PLD5: variants seen among roughly 807,000 people sequenced by gnomAD.
PLD5 encodes phospholipase D family member 5.
In PLD5, 36 loss-of-function variants were observed where a neutral mutation model predicts 61.1. The observed-to-expected ratio is 0.59, with a 90% CI of 0.45 to 0.78. PLD5 has a LOEUF of 0.78. Among genes scored for constraint, PLD5 ranks in the 30% least tolerant of loss-of-function variants. PLD5 has a pLI of 0.00. For synonymous variants in PLD5, 243 were observed against 242.8 expected (o/e 1.00, Z -0.01); for missense variants, 515 against 644.4 (o/e 0.80, Z 2.17).
intron 6 of PLD5, among the ~76,000 whole-genome samples, chr1:242,116,641 C>T (rs1174654989): frequency 6.6e-6 from 1 of 151,548 alleles, no homozygotes; most frequent in Non-Finnish European, 1.5e-5. Flanking sequence ...TGTTTACCTC[C>T]CACTTATAAG....
At chr1:242,216,206 C>T (rs1670186064) in intron 5 of PLD5, among the ~76,000 whole-genome samples, 1 of 151,964 alleles carries the variant, frequency 6.6e-6, no homozygotes, top group Non-Finnish European at 1.5e-5. Context: ...GACCGCCTTG[C>T]CCGACAGACC....
intron 5 of PLD5, among the ~76,000 whole-genome samples, chr1:242,182,093 T>C (rs1667556199): frequency 6.6e-6 from 1 of 152,228 alleles, no homozygotes; most frequent in African/African-American, 2.4e-5. Context: ...TGATTAATGA[T>C]GATTCTGATC....
chr1:242,404,376 G>A (rs903287030), intron 1 of PLD5, among the ~76,000 whole-genome samples: 1 of 152,148 alleles, frequency 6.6e-6, no homozygotes, highest in Non-Finnish European at 1.5e-5. Context: ...AGATGAGAAA[G>A]AGCATGGCAC....
At chr1:242,173,488 T>C (rs963549875) in intron 5 of PLD5, among the ~76,000 whole-genome samples, 22 of 152,268 alleles carry the variant, frequency 1.4e-4, no homozygotes, top group Admixed American at 1.2e-3. Flanking sequence ...AGGTAATTTA[T>C]AGATTCAATG....
chr1:242,384,223 A>G (rs1164172172), intron 1 of PLD5, among the ~76,000 whole-genome samples: 2 of 152,218 alleles, frequency 1.3e-5, no homozygotes, highest in Non-Finnish European at 2.9e-5. Context: ...GTTAGAAGAA[A>G]ACGCACCATT....
intron 1 of PLD5, among the ~76,000 whole-genome samples, chr1:242,515,220 G>A (rs1669066563): frequency 6.9e-6 from 1 of 144,710 alleles, no homozygotes. Context: ...GTGTGTGTGT[G>A]AGAGAGAGAG....
At chr1:242,351,023 C>G (rs796681753) in intron 1 of PLD5, among the ~76,000 whole-genome samples, 18 of 151,960 alleles carry the variant, frequency 1.2e-4, no homozygotes, top group African/African-American at 4.1e-4. Context: ...GCCTCAGCCT[C>G]CTGAGTAGCT....
intron 1 of PLD5, among the ~76,000 whole-genome samples, chr1:242,360,410 G>A (rs569024093): frequency 6.6e-6 from 1 of 151,808 alleles, no homozygotes; most frequent in Non-Finnish European, 1.5e-5. Flanking sequence ...TTTTGAAAAT[G>A]TTTTCTACTG....
At chr1:242,322,347 C>T (rs543229584) in intron 2 of PLD5, among the ~76,000 whole-genome samples, 1 of 152,314 alleles carries the variant, frequency 6.6e-6, no homozygotes, top group African/African-American at 2.4e-5. Context: ...AGATATCTAC[C>T]TTTTTCAAGT....
At chr1:242,377,873 T>C (rs1263415235) in intron 1 of PLD5, among the ~76,000 whole-genome samples, 1 of 152,068 alleles carries the variant, frequency 6.6e-6, no homozygotes, top group East Asian at 1.9e-4. Flanking sequence ...ATAACAAATA[T>C]TAGTAAGGAG....
intron 1 of PLD5, among the ~76,000 whole-genome samples, chr1:242,378,658 C>T (rs187853441): frequency 3.6e-4 from 54 of 151,984 alleles, no homozygotes; most frequent in Middle Eastern, 3.4e-3. Flanking sequence ...CTGGCCAGCA[C>T]GACAAAACCC....
intron 4 of PLD5, among the ~76,000 whole-genome samples, chr1:242,222,318 G>C (rs564443533): frequency 5.9e-5 from 9 of 152,218 alleles, no homozygotes; most frequent in Admixed American, 5.2e-4. Flanking sequence ...CCATAACAGA[G>C]ACCCAGGTCA....
At chr1:242,306,074 C>T (rs1310312633) in intron 2 of PLD5, among the ~76,000 whole-genome samples, 1 of 151,786 alleles carries the variant, frequency 6.6e-6, no homozygotes, top group East Asian at 1.9e-4. Context: ...CCCTGGGGCT[C>T]CAGCTTTGCC....
intron 5 of PLD5, among the ~76,000 whole-genome samples, chr1:242,137,550 G>A (rs1663832583): frequency 6.6e-6 from 1 of 152,106 alleles, no homozygotes; most frequent in Non-Finnish European, 1.5e-5. Context: ...AATCTGATGG[G>A]GTGGAAATGT....
chr1:242,220,374 G>A (rs1271752647), intron 4 of PLD5, among the ~76,000 whole-genome samples: 1 of 152,194 alleles, frequency 6.6e-6, no homozygotes, highest in Non-Finnish European at 1.5e-5. Context: ...TATGGCAGAG[G>A]AGGTTTTGCA....
At chr1:242,444,950 C>T (rs549093591) in intron 1 of PLD5, among the ~76,000 whole-genome samples, 35 of 152,012 alleles carry the variant, frequency 2.3e-4, no homozygotes, top group Middle Eastern at 6.8e-3. Context: ...GTGTTATATG[C>T]TCTACTATAT....
chr1:242,225,244 T>C (rs764736183), intron 4 of PLD5, among the ~76,000 whole-genome samples: 10 of 151,472 alleles, frequency 6.6e-5, no homozygotes, highest in African/African-American at 1.9e-4. Flanking sequence ...AGTGGTTTGT[T>C]TCCCTTTGCT....
chr1:242,085,381 C>T lies in PLD5; in HGVS notation c.*4473G>A, dbSNP rs1481896246. On this transcript the variant is annotated 3_prime_UTR_variant, in exon 10 of 10. Transcript: ENST00000536534. ...CTTCTGAGGAATACCCATTGAGTCA[C>T]TGTATAAAGCAGCATCTTCATAATT... 1 of 152,084 alleles carries T rather than the reference C, an allele frequency of 6.6e-6. No homozygotes were observed. The highest frequency in any genetic ancestry group is 1.5e-5 in the Non-Finnish European group (1 of 68,022). The allele number at this position is 152,084 out of a possible 1,614,324, so 9.4% of individuals were successfully genotyped here. A position where few individuals can be genotyped will look rare whatever the true frequency, so the allele number is the denominator to read the frequency against.
At chr1:242,237,308 A>C (rs528834410) in intron 4 of PLD5, among the ~76,000 whole-genome samples, 1 of 132,246 alleles carries the variant, frequency 7.6e-6, no homozygotes, top group South Asian at 3.0e-4. Context: ...ACCTTATAAA[A>C]TGAGTTAAGA....
Sources: allele counts gnomAD v4.1 joint callset (sites outside exome capture counted in the v4.1 genomes callset), GRCh38; gene constraint gnomAD v4.1.1; transcripts MANE v1.5; gene names NCBI Gene and HGNC (gene_info 2026-07-23, HGNC 2026-07-21).